DRC11: variants seen among roughly 807,000 people sequenced by gnomAD.
DRC11 encodes dynein regulatory complex subunit 11.
chr2:236,400,069 C>G, the DRC11 span, among the ~76,000 whole-genome samples: 2 of 152,200 alleles, frequency 1.3e-5, no homozygotes, highest in Non-Finnish European at 2.9e-5. The surrounding 1 kb of genome is among the most constrained non-coding windows in gnomAD (Gnocchi z 7.9). Context: ...GGCTGAGTTC[C>G]TAGCCTGAGT....
the DRC11 span, among the ~76,000 whole-genome samples, chr2:236,504,189 T>A: frequency 7.2e-6 from 1 of 138,300 alleles, no homozygotes; most frequent in Admixed American, 7.4e-5. The surrounding 1 kb of genome is among the most constrained non-coding windows in gnomAD (Gnocchi z 5.0). Context: ...GAAGTGAAAT[T>A]ACACGGCGGT....
At chr2:236,321,573 T>C in the DRC11 span, among the ~76,000 whole-genome samples, 5 of 148,482 alleles carry the variant, frequency 3.4e-5, no homozygotes, top group African/African-American at 1.3e-4. Flanking sequence ...GTGTTGGCTC[T>C]GGCGGACTTT....
chr2:236,371,426 G>T, the DRC11 span, among the ~76,000 whole-genome samples: 11 of 152,124 alleles, frequency 7.2e-5, no homozygotes, highest in African/African-American at 2.7e-4. The surrounding 1 kb of genome is among the most constrained non-coding windows in gnomAD (Gnocchi z 5.1). Context: ...GACTTATCTG[G>T]GTGCTGAGAG....
chr2:236,344,731 G>A, the DRC11 span: 6 of 895,696 alleles, frequency 6.7e-6, no homozygotes, highest in Non-Finnish European at 8.8e-6. Context: ...TTCCTTCTGG[G>A]GTGTGCAGAG....
the DRC11 span, among the ~76,000 whole-genome samples, chr2:236,334,395 A>T: frequency 2.0e-5 from 3 of 152,124 alleles, no homozygotes; most frequent in African/African-American, 7.2e-5. The surrounding 1 kb of genome is among the most constrained non-coding windows in gnomAD (Gnocchi z 7.8). Context: ...TCTGGCCCAG[A>T]AGTGCAGTGG....
At chr2:236,354,253 G>T in the DRC11 span, among the ~76,000 whole-genome samples, 2 of 151,628 alleles carry the variant, frequency 1.3e-5, no homozygotes, top group Non-Finnish European at 2.9e-5. Context: ...GTATGTTAGT[G>T]TGCACATGTG....
chr2:236,401,746 G>C, the DRC11 span, among the ~76,000 whole-genome samples: 4 of 152,046 alleles, frequency 2.6e-5, no homozygotes, highest in South Asian at 8.4e-4. The surrounding 1 kb of genome is among the most constrained non-coding windows in gnomAD (Gnocchi z 4.6). Context: ...AGTGGTGCCA[G>C]GGGGTTGGTG....
At chr2:236,353,631 G>A in the DRC11 span, among the ~76,000 whole-genome samples, 8 of 151,960 alleles carry the variant, frequency 5.3e-5, no homozygotes, top group African/African-American at 1.9e-4. The surrounding 1 kb of genome is among the most constrained non-coding windows in gnomAD (Gnocchi z 5.0). Flanking sequence ...GATGTGTCTC[G>A]GCTGAAACTC....
the DRC11 span, among the ~76,000 whole-genome samples, chr2:236,467,060 G>A: frequency 1.3e-5 from 2 of 152,132 alleles, no homozygotes; most frequent in South Asian, 4.1e-4. Context: ...TTTAATTGTT[G>A]TTCCTTTGCA....
At chr2:236,308,486 G>A in the DRC11 span, among the ~76,000 whole-genome samples, 8 of 152,368 alleles carry the variant, frequency 5.3e-5, no homozygotes, top group East Asian at 7.7e-4. This position sits in a 1 kb window ranked among gnomAD's most constrained non-coding sequence, Gnocchi z 6.0. Flanking sequence ...GGGGATACTC[G>A]TGGTACAGTT....
the DRC11 span, among the ~76,000 whole-genome samples, chr2:236,359,201 A>G: frequency 6.6e-6 from 1 of 151,702 alleles, no homozygotes; most frequent in Non-Finnish European, 1.5e-5. This position sits in a 1 kb window ranked among gnomAD's most constrained non-coding sequence, Gnocchi z 4.3. Context: ...CTAGTAGACT[A>G]TATATAGTAG....
At chr2:236,358,400 T>TC in the DRC11 span, among the ~76,000 whole-genome samples, 2 of 137,810 alleles carry the variant, frequency 1.5e-5, no homozygotes, top group African/African-American at 2.7e-5. Flanking sequence ...ATGAATATCA[T>TC]ATATAAATAT....
chr2:236,353,743 T>C, the DRC11 span, among the ~76,000 whole-genome samples: 1 of 151,598 alleles, frequency 6.6e-6, no homozygotes, highest in Admixed American at 6.6e-5. This position sits in a 1 kb window ranked among gnomAD's most constrained non-coding sequence, Gnocchi z 5.0. Flanking sequence ...TCCCTGCCTG[T>C]GGAGGGTGCA....
At chr2:236,505,013 C>A in the DRC11 span, among the ~76,000 whole-genome samples, 3 of 152,332 alleles carry the variant, frequency 2.0e-5, no homozygotes, top group Admixed American at 2.0e-4. Flanking sequence ...GATGGAACAA[C>A]AGGTGTGAAA....
chr2:236,390,708 CA>C, the DRC11 span, among the ~76,000 whole-genome samples: 1 of 151,930 alleles, frequency 6.6e-6, no homozygotes, highest in Non-Finnish European at 1.5e-5. The surrounding 1 kb of genome is among the most constrained non-coding windows in gnomAD (Gnocchi z 5.9). Context: ...TACTACACCA[CA>C]AAAGTGGAGA....
the DRC11 span, chr2:236,497,107 C>A: frequency 3.1e-6 from 4 of 1,284,874 alleles, no homozygotes; most frequent in Non-Finnish European, 4.3e-6. The surrounding 1 kb of genome is among the most constrained non-coding windows in gnomAD (Gnocchi z 5.1). Context: ...ATATCGGGTA[C>A]ATATCTTATT....
chr2:236,472,807 T>C, the DRC11 span, among the ~76,000 whole-genome samples: 1 of 152,164 alleles, frequency 6.6e-6, no homozygotes, highest in Non-Finnish European at 1.5e-5. This position sits in a 1 kb window ranked among gnomAD's most constrained non-coding sequence, Gnocchi z 4.6. Context: ...AATCCTTCCA[T>C]TGGCAAACTG....
the DRC11 span, among the ~76,000 whole-genome samples, chr2:236,457,666 T>C: frequency 6.6e-6 from 1 of 152,116 alleles, no homozygotes; most frequent in Admixed American, 6.5e-5. The surrounding 1 kb of genome is among the most constrained non-coding windows in gnomAD (Gnocchi z 4.7). Context: ...CAGTCCTAAG[T>C]GTCCTATAAG....
At chr2:236,357,467 A>ATTATATGTATATTTATAAATTATATATAT in the DRC11 span, among the ~76,000 whole-genome samples, 1 of 126,718 alleles carries the variant, frequency 7.9e-6, no homozygotes, top group Non-Finnish European at 1.5e-5. Context: ...ATATTTACAT[A>ATTATATGTATATTTATAAATTATATATAT]TTACATGTAT....
Sources: gnomAD v4.1 joint callset for allele counts (sites outside exome capture counted in the v4.1 genomes callset) on GRCh38, gnomAD v4.1.1 for gene constraint, Gnocchi (gnomAD v3.1) non-coding constraint, MANE v1.5 for transcripts, NCBI Gene and HGNC (gene_info 2026-07-23, HGNC 2026-07-21) for gene names.